Variants in ANKRD11 observed in about 807,000 individuals in gnomAD.
ANKRD11 encodes ankyrin repeat domain-containing protein 11.
In ANKRD11, 17 loss-of-function variants were observed where a neutral mutation model predicts 195.7. The observed-to-expected ratio is 0.09, with a 90% CI of 0.06 to 0.13. The LOEUF is 0.13. Ranked by LOEUF, ANKRD11 falls within the 10% of genes least tolerant of loss-of-function variation. The pLI is 1.00. For synonymous variants in ANKRD11, 1,953 were observed against 1,528.1 expected, an observed-to-expected ratio of 1.28 and a Z score of -6.49; for missense variants, 3,735 against 3,566.1, an observed-to-expected ratio of 1.05 and a Z score of -1.21.
intron 2 of ANKRD11, among the ~76,000 whole-genome samples, chr16:89,397,440 C>G (rs550917016): frequency 1.3e-5 from 2 of 152,378 alleles, no homozygotes; most frequent in African/African-American, 4.8e-5. Context: ...CCGTACCACT[C>G]CCTGCCAGCC....
intron 1 of ANKRD11, among the ~76,000 whole-genome samples, chr16:89,432,079 A>G (rs2043003147): frequency 6.6e-6 from 1 of 151,874 alleles, no homozygotes. Flanking sequence ...ATAACAACTT[A>G]ATTATCTCCA....
chr16:89,377,469 T>C (rs1396105984), intron 2 of ANKRD11, among the ~76,000 whole-genome samples: 1 of 101,654 alleles, frequency 9.8e-6, no homozygotes, highest in African/African-American at 3.9e-5. Flanking sequence ...TGCGGACATG[T>C]GGGCCGGGGC....
At position 89,441,836 on chromosome 16, in the gene ANKRD11, T is replaced by G. The variant is rs2043519237; in HGVS notation, c.-144-23468A>C. Among the ~76,000 whole-genome samples, 5 of 140,766 alleles carry G rather than the reference T, an allele frequency of 3.6e-5. 1 individual carries two copies. Among genetic ancestry groups the G allele is most frequent in the African/African-American group, 1.3e-4 (5 of 37,266 alleles). 92.3% of individuals were successfully genotyped at this position (140,766 alleles called of 152,430 possible). ...AAAAATTAAACATACCCTGCATAAC[T>G]GAACAGTGTCCACAAGCAGGAATCT... is the stretch of plus-strand genomic sequence containing the variant. On this transcript the variant is annotated intron_variant, in intron 1 of 12. Coordinates refer to ENST00000301030, the MANE Select transcript of ANKRD11 (RefSeq NM_013275.6).
chr16:89,445,654 T>A (rs189664118), intron 1 of ANKRD11, among the ~76,000 whole-genome samples: 2 of 152,210 alleles, frequency 1.3e-5, no homozygotes, highest in East Asian at 3.9e-4. Flanking sequence ...TTCAATAAAA[T>A]CAGGAAATAA....
intron 1 of ANKRD11, among the ~76,000 whole-genome samples, chr16:89,449,215 C>G (rs1413992825): frequency 6.7e-6 from 1 of 150,156 alleles, no homozygotes; most frequent in Non-Finnish European, 1.5e-5. Flanking sequence ...GAAAAATTTG[C>G]AGGCATGAGG....
intron 3 of ANKRD11, among the ~76,000 whole-genome samples, chr16:89,315,884 C>A (rs2036925246): frequency 6.6e-6 from 1 of 152,172 alleles, no homozygotes; most frequent in Non-Finnish European, 1.5e-5. Context: ...AAACCCACAA[C>A]ATGAGCAGAG....
At chr16:89,316,829 G>T in intron 3 of ANKRD11, 104 bp downstream of exon 3, 1 of 1,371,708 alleles carries the variant, frequency 7.3e-7, no homozygotes, top group Non-Finnish European at 1.0e-6. Flanking sequence ...CACGAGGAAA[G>T]GGCCGGAGGG....
chr16:89,273,497 C>T (rs919996324), intron 11 of ANKRD11, among the ~76,000 whole-genome samples: 2 of 152,038 alleles, frequency 1.3e-5, no homozygotes, highest in South Asian at 2.1e-4. Flanking sequence ...GTCAAGAGAT[C>T]GAGACCATCC....
chr16:89,414,101 G>C (rs1274534418), intron 2 of ANKRD11, among the ~76,000 whole-genome samples: 1 of 152,170 alleles, frequency 6.6e-6, no homozygotes, highest in Non-Finnish European at 1.5e-5. Context: ...TGCGCACTCG[G>C]GGACACTGAG....
intron 1 of ANKRD11, among the ~76,000 whole-genome samples, chr16:89,442,469 A>C (rs1352590778): frequency 6.6e-6 from 1 of 152,038 alleles, no homozygotes; most frequent in Admixed American, 6.6e-5. Context: ...ACAATCCCAC[A>C]AACGCCCCTT....
chr16:89,308,988 C>T (rs563176772), intron 3 of ANKRD11, among the ~76,000 whole-genome samples: 1 of 152,306 alleles, frequency 6.6e-6, no homozygotes, highest in South Asian at 2.1e-4. Context: ...GATCAGCCCT[C>T]CTCTGGAATA....
chr16:89,305,218 C>G lies in ANKRD11; in HGVS notation c.214G>C (p.Asp72His). 2 of 1,612,934 alleles carry G rather than the reference C, an allele frequency of 1.2e-6. No homozygotes were observed. The highest frequency in any genetic ancestry group is 1.7e-6 in the Non-Finnish European group (2 of 1,179,788). Residue 72 changes from aspartate to histidine, a missense_variant, in exon 4 of 13, where the codon GAC becomes CAC. Transcript: ENST00000301030. ...FTAGANGEQKDSDTEKQGPER... is the reference protein window; with the variant it reads ...FTAGANGEQKHSDTEKQGPER... ...CGCGGGCTGGTACCTGTGTCCGAGT[C>G]CTTCTGCTCCCCATTGGCGCCCGCG...
At chr16:89,359,345 A>G (rs2039624860) in intron 2 of ANKRD11, among the ~76,000 whole-genome samples, 1 of 152,208 alleles carries the variant, frequency 6.6e-6, no homozygotes, top group Non-Finnish European at 1.5e-5. Flanking sequence ...AATCGCACGT[A>G]CAGCCCTTTA....
In ANKRD11 at chr16:89,466,326, C is replaced by T. The variant is rs562491994; in HGVS notation, c.-145+23919G>A. On this transcript the variant is annotated intron_variant, in intron 1 of 12. Transcript: ENST00000301030. ...ATCCAGAGAGATAGAAAAGAGAGTA[C>T]CAGTTGTCAGGGAAAGGGGGAAGGG... is the stretch of plus-strand genomic sequence containing the variant. Among the ~76,000 whole-genome samples, 36 of 152,168 alleles carry T rather than the reference C, an allele frequency of 2.4e-4. No individual in the cohort carries two copies. In the South Asian group the frequency reaches 7.5e-3, roughly 32 times the overall value.
At chr16:89,334,881 C>T (rs991173193) in intron 2 of ANKRD11, among the ~76,000 whole-genome samples, 13 of 152,086 alleles carry the variant, frequency 8.5e-5, no homozygotes, top group African/African-American at 2.7e-4. Flanking sequence ...GAGCCAGACA[C>T]GAGTGTGTCT....
Position 89,286,206 on chromosome 16 carries a change from G to C in ANKRD11, c.745-20C>G. 1 of 1,611,334 alleles carries C rather than the reference G, an allele frequency of 6.2e-7. No homozygotes were observed. The highest frequency in any genetic ancestry group is 1.1e-5 in the South Asian group (1 of 91,058). Reference sequence around the variant, plus strand: ...CACCACCTACAAGACAGTAACACCCGCGTCAGGGACTGCTGGAGAAGCACA... The same window carrying C: ...CACCACCTACAAGACAGTAACACCCCCGTCAGGGACTGCTGGAGAAGCACA... On this transcript the variant is annotated intron_variant, in intron 7 of 12. Coordinates refer to ENST00000301030, the MANE Select transcript of ANKRD11 (RefSeq NM_013275.6).
intron 2 of ANKRD11, chr16:89,403,873 A>G (rs2041803853): frequency 6.6e-6 from 1 of 152,238 alleles, no homozygotes; most frequent in African/African-American, 2.4e-5. Context: ...TTGAGGCTGC[A>G]GTAAGCCATG....
rs563865697 is a variant in ANKRD11 at position 89,282,501 on chromosome 16, C to T, written c.4041G>A (p.Lys1347=). The T allele has an allele frequency of 6.2e-7, 1 of 1,614,040 alleles. No homozygotes were observed. The highest frequency in any genetic ancestry group is 2.2e-5 in the East Asian group (1 of 44,870). ...AAGATGAGGAGTGTCTGTGCCTCTCCTTCTCTTTCAGCTTCTCAGGGAGGC... is the reference window on the plus strand; with the variant it reads ...AAGATGAGGAGTGTCTGTGCCTCTCTTTCTCTTTCAGCTTCTCAGGGAGGC... The part of the protein sequence containing the change: ...SACLPEKLKE[K]ERHRHSSSSS... Residue 1347 remains lysine, a synonymous_variant, in exon 9 of 13, where the codon AAG becomes AAA. Coordinates refer to ENST00000301030, the MANE Select transcript of ANKRD11 (RefSeq NM_013275.6).
chr16:89,357,533 G>T (rs768104195), intron 2 of ANKRD11, among the ~76,000 whole-genome samples: 12 of 152,156 alleles, frequency 7.9e-5, no homozygotes, highest in Non-Finnish European at 1.8e-4. Flanking sequence ...ATATACAAAA[G>T]AACTGAAAGC....
Sources: allele counts gnomAD v4.1 joint callset (sites outside exome capture counted in the v4.1 genomes callset), GRCh38; gene constraint gnomAD v4.1.1; transcripts MANE v1.5; gene names NCBI Gene and HGNC (gene_info 2026-07-23, HGNC 2026-07-21).